PLXNA2: variants seen among roughly 807,000 people sequenced by gnomAD.
The protein encoded by PLXNA2 is plexin A2.
A neutral mutation model predicts 193.5 loss-of-function variants in PLXNA2; 91 were observed. The observed-to-expected ratio is 0.47, with a 90% CI of 0.40 to 0.56. The LOEUF (loss-of-function observed/expected upper bound fraction) is 0.56, where lower values mean the gene tolerates loss of function less well. PLXNA2 is among the 20% of genes least tolerant of loss of function. PLXNA2 has a pLI of 0.00. For synonymous variants in PLXNA2, 997 were observed against 1,027.3 expected (o/e 0.97, Z 0.56); for missense variants, 1,995 against 2,503.2 (o/e 0.80, Z 4.33).
At chr1:208,111,528 A>G (rs905417318) in intron 4 of PLXNA2, among the ~76,000 whole-genome samples, 3 of 152,178 alleles carry the variant, frequency 2.0e-5, no homozygotes, top group African/African-American at 7.2e-5. Flanking sequence ...CGGTCTTGCC[A>G]GTGATCAGCT....
At chr1:208,053,876 T>A (rs1309405733) in intron 14 of PLXNA2, among the ~76,000 whole-genome samples, 3 of 152,366 alleles carry the variant, frequency 2.0e-5, no homozygotes, top group African/African-American at 7.2e-5. Context: ...TGTGTGAATG[T>A]GTGCGTGTAA....
At chr1:208,155,227 C>G (rs879638845) in intron 3 of PLXNA2, among the ~76,000 whole-genome samples, 1 of 152,122 alleles carries the variant, frequency 6.6e-6, no homozygotes, top group Admixed American at 6.5e-5. Flanking sequence ...TCCACAGGAC[C>G]GGTGCTGGGG....
rs143170268 is a variant in PLXNA2 at position 208,133,618 on chromosome 1, T to C, written c.1506+8711A>G. ...AATGAGTCTGCATATGCAAACAATATGCAAATCTTTCCCTATTTTAATTTG... is the reference window on the plus strand; with the variant it reads ...AATGAGTCTGCATATGCAAACAATACGCAAATCTTTCCCTATTTTAATTTG... On this transcript the variant is annotated intron_variant, in intron 4 of 31. Coordinates refer to ENST00000367033, the MANE Select transcript of PLXNA2 (RefSeq NM_025179.4). Among the ~76,000 whole-genome samples the C allele has an allele frequency of 1.6e-3, 245 of 152,370 alleles. 2 individuals carry two copies. Among genetic ancestry groups the C allele is most frequent in the Middle Eastern group, 0.014 (4 of 294 alleles).
chr1:208,186,279 T>C (rs1210439825), intron 3 of PLXNA2, among the ~76,000 whole-genome samples: 1 of 152,198 alleles, frequency 6.6e-6, no homozygotes, highest in Non-Finnish European at 1.5e-5. Flanking sequence ...TGACACCATA[T>C]TTAATCCTGA....
At chr1:208,052,125 G>A (rs923393012) in intron 15 of PLXNA2, among the ~76,000 whole-genome samples, 2 of 152,162 alleles carry the variant, frequency 1.3e-5, no homozygotes, top group African/African-American at 4.8e-5. Flanking sequence ...ATTTTTAGAA[G>A]TATCCAGCCC....
At position 208,193,941 on chromosome 1, in the gene PLXNA2, A is replaced by T. The variant is rs539288371; in HGVS notation, c.1371+16339T>A. 1.2e-3 allele frequency among the ~76,000 whole-genome samples: 190 copies of T among 152,128 alleles called. 6 individuals carry two copies. In the South Asian group the frequency reaches 0.035, roughly 28 times the overall value. On this transcript the variant is annotated intron_variant, in intron 3 of 31. Coordinates refer to ENST00000367033, the MANE Select transcript of PLXNA2 (RefSeq NM_025179.4). ...AAAATAAATAACGAAAAATTTTATT[A>T]AAAAAATTTTTTTTATTTTTAAATA...
chr1:208,074,690 T>C (rs1006481992), intron 12 of PLXNA2, among the ~76,000 whole-genome samples: 1 of 152,210 alleles, frequency 6.6e-6, no homozygotes, highest in Non-Finnish European at 1.5e-5. Flanking sequence ...GATCATCTCA[T>C]TTATTTCTCT....
Position 208,096,684 on chromosome 1 carries a change from A to G in PLXNA2, c.1885+46T>C, listed in dbSNP as rs996673275. 3.1e-6 allele frequency: 5 copies of G among 1,608,086 alleles called. No individual in the cohort carries two copies. The Admixed American group carries it at 8.4e-5, about 27-fold the overall frequency. ...TCTTGTGACCCCCAGCTCCCTCAGT[A>G]TAGAGAAGCCCCTCATTTGTGGCTC... is the stretch of plus-strand genomic sequence containing the variant. On this transcript the variant is annotated intron_variant, in intron 7 of 31. Transcript: ENST00000367033.
intron 12 of PLXNA2, among the ~76,000 whole-genome samples, chr1:208,076,016 C>T (rs567704318): frequency 2.7e-5 from 4 of 150,520 alleles, no homozygotes; most frequent in Admixed American, 2.0e-4. Context: ...CAAGATTGCG[C>T]CACTGCAGTC....
chr1:208,241,326 G>T (rs1346842137), intron 1 of PLXNA2, among the ~76,000 whole-genome samples: 2 of 152,208 alleles, frequency 1.3e-5, no homozygotes, highest in Admixed American at 1.3e-4. Flanking sequence ...GAGTTGCAGG[G>T]TGAATGTTCC....
At chr1:208,206,763 T>G (rs1037195225) in intron 3 of PLXNA2, among the ~76,000 whole-genome samples, 3 of 148,010 alleles carry the variant, frequency 2.0e-5, no homozygotes, top group African/African-American at 7.5e-5. Context: ...ATTGCACATA[T>G]AGGTTTTTTT....
At chr1:208,134,088 C>T (rs1668235673) in intron 4 of PLXNA2, among the ~76,000 whole-genome samples, 1 of 152,182 alleles carries the variant, frequency 6.6e-6, no homozygotes, top group Non-Finnish European at 1.5e-5. Flanking sequence ...TTCTCCCAGC[C>T]TGGGCATTGT....
At chr1:208,095,360 C>A (rs551817844) in intron 8 of PLXNA2, among the ~76,000 whole-genome samples, 5 of 152,152 alleles carry the variant, frequency 3.3e-5, no homozygotes, top group African/African-American at 9.7e-5. Flanking sequence ...GGTCTCATAG[C>A]GTGTGGGCAC....
rs373507470 is a variant in PLXNA2 at position 208,026,707 on chromosome 1, T to A, written c.*536A>T. On this transcript the variant is annotated 3_prime_UTR_variant, in exon 32 of 32. Transcript: ENST00000367033. Reference sequence around the variant, plus strand: ...AAGGAGACAGTCATTTTCTCTCCAATGTCTCTCAGCATCTCTGCTTTCTCT... The same window carrying A: ...AAGGAGACAGTCATTTTCTCTCCAAAGTCTCTCAGCATCTCTGCTTTCTCT... The A allele has an allele frequency of 3.3e-5, 5 of 151,542 alleles. 1 individual carries two copies. The highest frequency in any genetic ancestry group is 3.9e-4 in the East Asian group (2 of 5,126). The allele number at this position is 151,542 out of a possible 1,614,324, so 9.4% of individuals were successfully genotyped here.
In PLXNA2 at chr1:208,051,113, G is replaced by T. The variant is rs1665244427; in HGVS notation, c.3162-11C>A. The T allele has an allele frequency of 6.2e-7, 1 of 1,611,040 alleles. No individual in the cohort carries two copies. Among genetic ancestry groups the T allele is most frequent in the Non-Finnish European group, 8.5e-7 (1 of 1,177,360 alleles). On this transcript the variant is annotated splice_polypyrimidine_tract_variant and intron_variant, in intron 16 of 31. Coordinates refer to ENST00000367033, the MANE Select transcript of PLXNA2 (RefSeq NM_025179.4). Reference sequence around the variant, plus strand: ...AGGGGTGTGTGGCCACTGAAAACAGGCAGAGGCTCGGTTAGGTAAAAAACC... The same window carrying T: ...AGGGGTGTGTGGCCACTGAAAACAGTCAGAGGCTCGGTTAGGTAAAAAACC...
At chr1:208,159,249 A>T (rs77032986) in intron 3 of PLXNA2, among the ~76,000 whole-genome samples, 2,512 of 152,320 alleles carry the variant, frequency 0.016, 67 homozygotes, top group African/African-American at 0.054. Flanking sequence ...CTGCATTATC[A>T]TCTGCTAGGC....
chr1:208,046,133 C>A lies in PLXNA2; in HGVS notation c.3256-16G>T. The A allele has an allele frequency of 6.2e-7, 1 of 1,608,880 alleles. No individual in the cohort carries two copies. Among genetic ancestry groups the A allele is most frequent in the Non-Finnish European group, 8.5e-7 (1 of 1,176,056 alleles). ...CTTTACACACCTAAGAGATCCAGAG[C>A]GCAGCATTCACACACGGAGTGCCTG... On this transcript the variant is annotated splice_polypyrimidine_tract_variant and intron_variant, in intron 17 of 31. Coordinates refer to ENST00000367033, the MANE Select transcript of PLXNA2 (RefSeq NM_025179.4).
chr1:208,032,049 C>A (rs1367044012), intron 28 of PLXNA2: 25 of 985,198 alleles, frequency 2.5e-5, no homozygotes, highest in Non-Finnish European at 2.3e-5. Flanking sequence ...AGGAAGTGCC[C>A]CGGGTCCGGG....
chr1:208,164,932 G>T (rs1436887959), intron 3 of PLXNA2, among the ~76,000 whole-genome samples: 1 of 152,262 alleles, frequency 6.6e-6, no homozygotes, highest in Non-Finnish European at 1.5e-5. Context: ...AGAGGCTTAG[G>T]TGGGGGCCTT....
Sources: gnomAD v4.1 joint callset for allele counts (sites outside exome capture counted in the v4.1 genomes callset) on GRCh38, gnomAD v4.1.1 for gene constraint, MANE v1.5 for transcripts, NCBI Gene and HGNC (gene_info 2026-07-23, HGNC 2026-07-21) for gene names.